Variants in SNX25 observed in about 807,000 individuals in gnomAD.
The protein encoded by SNX25 is sorting nexin-25.
In SNX25, 62 loss-of-function variants were observed where a neutral mutation model predicts 113.7. The observed-to-expected ratio is 0.55, with a 90% confidence interval of 0.44 to 0.67. The LOEUF (loss-of-function observed/expected upper bound fraction) is 0.67, where lower values mean the gene tolerates loss of function less well. Ranked by LOEUF, SNX25 falls within the 30% of genes least tolerant of loss-of-function variation. SNX25 has a pLI of 0.00. For synonymous variants in SNX25, 421 were observed against 436.2 expected, an observed-to-expected ratio of 0.97 and a Z score of 0.43; for missense variants, 1,014 against 1,161.0, an observed-to-expected ratio of 0.87 and a Z score of 1.84.
At chr4:185,375,745 T>C in the SNX25 span, 1 of 1,494,588 alleles carries the variant, frequency 6.7e-7, no homozygotes, top group Non-Finnish European at 9.3e-7. Context: ...ACCCAGAAGA[T>C]ATTTAATTAT....
intron 1 of SNX25, among the ~76,000 whole-genome samples, chr4:185,219,427 T>C (rs1969457): frequency 0.65 from 98,156 of 150,996 alleles, 31,931 homozygotes; most frequent in East Asian, 0.73. Context: ...GGTGTGGTGG[T>C]GGGCGCCTGT....
chr4:185,258,603 A>G (rs977527114), intron 2 of SNX25, among the ~76,000 whole-genome samples: 1 of 152,192 alleles, frequency 6.6e-6, no homozygotes. Flanking sequence ...TGGCACCAAG[A>G]TAGAATATTT....
intron 6 of SNX25, among the ~76,000 whole-genome samples, chr4:185,294,446 A>G (rs765905456): frequency 1.6e-4 from 24 of 152,300 alleles, no homozygotes; most frequent in Admixed American, 9.2e-4. Context: ...AGGGTTCTCA[A>G]TGAAGATACT....
At chr4:185,327,583 G>A (rs971279325) in intron 9 of SNX25, among the ~76,000 whole-genome samples, 3 of 151,920 alleles carry the variant, frequency 2.0e-5, no homozygotes, top group Non-Finnish European at 2.9e-5. Context: ...GCATAGCTAG[G>A]GGGTATGGCT....
In SNX25 at chr4:185,267,173, A is replaced by G; in HGVS notation, c.1091+18A>G. ...CAACTAAGGTATTTGGTCTTCAATT[A>G]TAGCACAGCAACAGCTACTGATTAT... is the stretch of plus-strand genomic sequence containing the variant. On this transcript the variant is annotated intron_variant, in intron 5 of 18. Transcript: ENST00000652585. 6.2e-7 allele frequency: 1 copy of G among 1,607,620 alleles called. No homozygotes were observed.
chr4:185,320,662 C>A, intron 7 of SNX25, 71 bp from the exon 8 acceptor site: 6 of 1,157,522 alleles, frequency 5.2e-6, no homozygotes, highest in South Asian at 4.7e-5. Flanking sequence ...GAAATCAGTC[C>A]ATTGGAAGTT....
intron 1 of SNX25, among the ~76,000 whole-genome samples, chr4:185,213,092 A>C (rs139454074): frequency 6.6e-6 from 1 of 152,364 alleles, no homozygotes; most frequent in East Asian, 1.9e-4. Context: ...GCTTCTGAAT[A>C]CTTCATAGTG....
At chr4:185,346,321 C>A (rs1052380104) in intron 12 of SNX25, among the ~76,000 whole-genome samples, 3 of 152,160 alleles carry the variant, frequency 2.0e-5, no homozygotes, top group African/African-American at 7.2e-5. Context: ...TTCCCAGCTC[C>A]CGGGGATCTG....
chr4:185,265,769 C>A (rs1022959530), intron 4 of SNX25, among the ~76,000 whole-genome samples: 1 of 151,826 alleles, frequency 6.6e-6, no homozygotes, highest in Non-Finnish European at 1.5e-5. Flanking sequence ...ATTGTATGTG[C>A]TGTATTTTTA....
intron 6 of SNX25, among the ~76,000 whole-genome samples, chr4:185,303,056 T>C (rs79356549): frequency 0.014 from 2,142 of 152,320 alleles, 53 homozygotes; most frequent in African/African-American, 0.049. Context: ...ATAAAGCTCA[T>C]GTCCAGAGAT....
chr4:185,363,524 C>T lies in SNX25; in HGVS notation c.*59C>T, dbSNP rs1385801714. The T allele has an allele frequency of 6.6e-7, 1 of 1,526,154 alleles. No homozygotes were observed. The highest frequency in any genetic ancestry group is 2.3e-5 in the East Asian group (1 of 44,388). 94.5% of individuals were successfully genotyped at this position (1,526,154 alleles called of 1,614,324 possible). A position where few individuals can be genotyped will look rare whatever the true frequency, so the allele number is the denominator to read the frequency against. On this transcript the variant is annotated 3_prime_UTR_variant, in exon 19 of 19. Coordinates refer to ENST00000652585, the MANE Select transcript of SNX25 (RefSeq NM_001378034.2). This position sits in a 1 kb window ranked among gnomAD's most constrained non-coding sequence, Gnocchi z 4.2. The stretch of plus-strand genomic sequence containing the variant: ...TGTAATAATAGACATGAAACATTTT[C>T]CTCTTTTCCACAGAGGGCTTAACTG...
At chr4:185,339,994 A>G (rs1051657425) in intron 11 of SNX25, among the ~76,000 whole-genome samples, 11 of 152,148 alleles carry the variant, frequency 7.2e-5, no homozygotes, top group African/African-American at 2.7e-4. Context: ...TGTAGAATAT[A>G]CTGTATCCCT....
At chr4:185,249,097 TAGTC>T (rs1217298633) in intron 2 of SNX25, among the ~76,000 whole-genome samples, 2 of 152,236 alleles carry the variant, frequency 1.3e-5, no homozygotes, top group Non-Finnish European at 2.9e-5. Flanking sequence ...TTTGGAAAGT[TAGTC>T]AATACAGTTG....
At chr4:185,339,703 G>GTA (rs1284157195) in intron 11 of SNX25, among the ~76,000 whole-genome samples, 193 bp downstream of exon 11, 1 of 152,114 alleles carries the variant, frequency 6.6e-6, no homozygotes, top group Non-Finnish European at 1.5e-5. Context: ...AGGCTGCTTG[G>GTA]TATAGATCTG....
At chr4:185,308,973 A>G (rs902940686) in intron 6 of SNX25, among the ~76,000 whole-genome samples, 14 of 152,208 alleles carry the variant, frequency 9.2e-5, no homozygotes, top group African/African-American at 3.1e-4. Context: ...AGTGTCTTTA[A>G]CAACAGCCAT....
intron 11 of SNX25, among the ~76,000 whole-genome samples, chr4:185,340,868 G>A (rs1186926421): frequency 6.6e-6 from 1 of 152,168 alleles, no homozygotes; most frequent in Admixed American, 6.5e-5. Context: ...GACGTCTAGA[G>A]CTCACGAAGC....
At chr4:185,311,863 C>G (rs544225455) in intron 7 of SNX25, among the ~76,000 whole-genome samples, 1 of 152,336 alleles carries the variant, frequency 6.6e-6, no homozygotes, top group South Asian at 2.1e-4. Flanking sequence ...TCTACAGCAT[C>G]TTACACAAGT....
intron 1 of SNX25, among the ~76,000 whole-genome samples, chr4:185,238,834 A>C (rs1215799894): frequency 6.6e-6 from 1 of 152,212 alleles, no homozygotes; most frequent in East Asian, 1.9e-4. Context: ...TTATTTGAGA[A>C]GACCAGGTAA....
At chr4:185,307,202 A>G (rs1754582992) in intron 6 of SNX25, among the ~76,000 whole-genome samples, 1 of 152,226 alleles carries the variant, frequency 6.6e-6, no homozygotes, top group Admixed American at 6.5e-5. Flanking sequence ...TTGGGACCTG[A>G]GATGGGTAAT....
Sources: gnomAD v4.1 joint callset for allele counts (sites outside exome capture counted in the v4.1 genomes callset) on GRCh38, gnomAD v4.1.1 for gene constraint, Gnocchi (gnomAD v3.1) non-coding constraint, MANE v1.5 for transcripts, NCBI Gene and HGNC (gene_info 2026-07-23, HGNC 2026-07-21) for gene names.